Variants in GRIN3A observed in about 807,000 individuals in gnomAD.
The protein encoded by GRIN3A is glutamate ionotropic receptor NMDA type subunit 3A.
Under a neutral mutation model 92.4 loss-of-function variants are expected in GRIN3A, and 47 were observed. The observed-to-expected ratio is 0.51, with a 90% CI of 0.40 to 0.65. The LOEUF is 0.65. GRIN3A is among the 30% of genes least tolerant of loss of function. The probability of loss-of-function intolerance (pLI) is 0.00; values close to 1 mark genes in which losing one functional copy is unlikely to be tolerated. For missense variants in GRIN3A, 1,324 were observed against 1,393.1 expected, an observed-to-expected ratio of 0.95 and a Z score of 0.79; for synonymous variants, 527 against 540.6, an observed-to-expected ratio of 0.97 and a Z score of 0.35.
intron 2 of GRIN3A, among the ~76,000 whole-genome samples, chr9:101,683,827 GGA>G (rs1276808640): frequency 1.5e-5 from 2 of 131,864 alleles, no homozygotes; most frequent in Non-Finnish European, 1.6e-5. Context: ...CCCACCATAA[GGA>G]GAGAGAGAGA....
chr9:101,694,859 G>C (rs551438888), intron 1 of GRIN3A, among the ~76,000 whole-genome samples: 2 of 152,260 alleles, frequency 1.3e-5, no homozygotes, highest in East Asian at 3.9e-4. Flanking sequence ...GTGGGCATTT[G>C]ACATAAAGAA....
chr9:101,591,576 A>G (rs1264871022), intron 6 of GRIN3A: 3 of 152,212 alleles, frequency 2.0e-5, no homozygotes, highest in South Asian at 4.1e-4. Flanking sequence ...TGATTAAATG[A>G]TATGTATAAC....
chr9:101,694,469 A>G (rs1237338592), intron 1 of GRIN3A, among the ~76,000 whole-genome samples: 1 of 152,144 alleles, frequency 6.6e-6, no homozygotes, highest in African/African-American at 2.4e-5. Flanking sequence ...GCTTCTAATC[A>G]TGGACTTTTT....
In GRIN3A at chr9:101,660,037, C is replaced by G. The variant is rs189268834; in HGVS notation, c.2352+10023G>C. 1.7e-3 allele frequency among the ~76,000 whole-genome samples: 263 copies of G among 151,886 alleles called. 1 individual carries two copies. Among genetic ancestry groups the G allele is most frequent in the African/African-American group, 6.2e-3 (259 of 41,494 alleles). On this transcript the variant is annotated intron_variant, in intron 3 of 8. Transcript: ENST00000361820. The stretch of plus-strand genomic sequence containing the variant: ...AAGGGAAAGAATATACCATTCCCCC[C>G]ACCCTGCCAATTTCCACTAATTGTC...
chr9:101,661,411 G>A (rs75214918), intron 3 of GRIN3A, among the ~76,000 whole-genome samples: 4,742 of 151,782 alleles, frequency 0.031, 243 homozygotes, highest in African/African-American at 0.11. Flanking sequence ...TATGCATTGC[G>A]TGATATTTCC....
intron 6 of GRIN3A, among the ~76,000 whole-genome samples, chr9:101,588,573 T>A (rs1190588200): frequency 1.3e-5 from 2 of 152,128 alleles, no homozygotes; most frequent in Non-Finnish European, 2.9e-5. Flanking sequence ...TTTTGAAAAA[T>A]TTATTATTAA....
chr9:101,630,566 G>A (rs991746588), intron 3 of GRIN3A, among the ~76,000 whole-genome samples: 6 of 152,140 alleles, frequency 3.9e-5, no homozygotes, highest in Admixed American at 3.9e-4. Flanking sequence ...TTGGAATTCA[G>A]CCTGATCAAA....
In GRIN3A at chr9:101,570,641, G is replaced by A. The variant is rs931338192; in HGVS notation, c.*2533C>T. ...GCATCCTGGCCAGTGTTTTGGCCAG[G>A]TAGTTCCTCCAAAGATGTTTGAGGA... On this transcript the variant is annotated 3_prime_UTR_variant, in exon 9 of 9. Coordinates refer to ENST00000361820, the MANE Select transcript of GRIN3A (RefSeq NM_133445.3). 3.3e-5 allele frequency: 5 copies of A among 152,568 alleles called. No homozygotes were observed. Among genetic ancestry groups the A allele is most frequent in the African/African-American group, 9.7e-5 (4 of 41,440 alleles). The allele number at this position is 152,568 out of a possible 1,614,324, so 9.5% of individuals were successfully genotyped here.
chr9:101,616,049 A>G (rs1310145703), intron 5 of GRIN3A, among the ~76,000 whole-genome samples: 1 of 152,188 alleles, frequency 6.6e-6, no homozygotes, highest in Non-Finnish European at 1.5e-5. Flanking sequence ...ACATTCCATT[A>G]CAGCAGAGAC....
chr9:101,623,600 T>C (rs1358616647), intron 4 of GRIN3A, among the ~76,000 whole-genome samples, 167 bp from the exon 5 acceptor site: 1 of 152,178 alleles, frequency 6.6e-6, no homozygotes, highest in Non-Finnish European at 1.5e-5. Context: ...ATGTCTAGAC[T>C]ACAGACCAGG....
At chr9:101,682,935 T>C (rs913795237) in intron 2 of GRIN3A, among the ~76,000 whole-genome samples, 5 of 152,196 alleles carry the variant, frequency 3.3e-5, no homozygotes, top group African/African-American at 1.2e-4. Flanking sequence ...TGAGCCGAGA[T>C]TGCGCCACCG....
chr9:101,594,085 T>C (rs968979630), intron 6 of GRIN3A: 19 of 256,620 alleles, frequency 7.4e-5, no homozygotes, highest in African/African-American at 4.2e-4. Context: ...AGCAAAAATG[T>C]ATACTTTCTT....
intron 6 of GRIN3A, among the ~76,000 whole-genome samples, chr9:101,585,595 C>T (rs574802093): frequency 5.9e-5 from 9 of 152,310 alleles, no homozygotes; most frequent in African/African-American, 1.7e-4. Flanking sequence ...AACCTTAGAA[C>T]CACCTTTGAT....
intron 1 of GRIN3A, among the ~76,000 whole-genome samples, chr9:101,736,294 T>G (rs1224453270): frequency 2.0e-5 from 3 of 152,204 alleles, no homozygotes; most frequent in South Asian, 4.1e-4. Context: ...ATAGATACTT[T>G]GTGCAAGGCT....
At chr9:101,597,081 A>G (rs1295565864) in intron 6 of GRIN3A, among the ~76,000 whole-genome samples, 5 of 152,218 alleles carry the variant, frequency 3.3e-5, no homozygotes, top group Non-Finnish European at 5.9e-5. Context: ...CTCCTATGGT[A>G]AAGCAATTCT....
chr9:101,700,030 C>T (rs140606075), intron 1 of GRIN3A, among the ~76,000 whole-genome samples: 1,769 of 152,272 alleles, frequency 0.012, 19 homozygotes, highest in Non-Finnish European at 0.017. Flanking sequence ...TATTACCTGT[C>T]TCTCTTCATC....
At chr9:101,582,210 A>C (rs531820290) in intron 6 of GRIN3A, among the ~76,000 whole-genome samples, 1 of 152,184 alleles carries the variant, frequency 6.6e-6, no homozygotes, top group Non-Finnish European at 1.5e-5. Flanking sequence ...CATAGGGTGC[A>C]TAGGGAAGTC....
intron 5 of GRIN3A, among the ~76,000 whole-genome samples, chr9:101,618,562 G>A (rs1180045194): frequency 6.6e-6 from 1 of 152,122 alleles, no homozygotes; most frequent in East Asian, 1.9e-4. Context: ...TGCTGGAGAG[G>A]ATGTGGAGAA....
At chr9:101,644,956 G>C (rs1828917510) in intron 3 of GRIN3A, among the ~76,000 whole-genome samples, 1 of 151,772 alleles carries the variant, frequency 6.6e-6, no homozygotes. Context: ...GATCAAATCA[G>C]GATGATTAGG....
Sources: allele counts gnomAD v4.1 joint callset (sites outside exome capture counted in the v4.1 genomes callset), GRCh38; gene constraint gnomAD v4.1.1; transcripts MANE v1.5; gene names NCBI Gene and HGNC (gene_info 2026-07-23, HGNC 2026-07-21).